The following SMYD4 variants were observed in gnomAD, a reference collection of about 807,000 sequenced individuals.
SMYD4 encodes SET and MYND domain containing 4.
In SMYD4, 68 loss-of-function variants were observed where a neutral mutation model predicts 72.8. That is an observed-to-expected ratio of 0.93 (90% CI 0.77 to 1.14). The LOEUF is 1.14. Ranked by LOEUF, SMYD4 falls within the 50% of genes most tolerant of loss-of-function variation. The pLI is 0.00. For missense variants in SMYD4, 984 were observed against 1,003.7 expected, an observed-to-expected ratio of 0.98 and a Z score of 0.27; for synonymous variants, 407 against 388.6, an observed-to-expected ratio of 1.05 and a Z score of -0.56.
chr17:1,795,353 T>A (rs1413288282), intron 5 of SMYD4, among the ~76,000 whole-genome samples: 1 of 140,848 alleles, frequency 7.1e-6, no homozygotes, highest in African/African-American at 2.5e-5. Context: ...TATCTATCTA[T>A]CTAAGAGACT....
intron 7 of SMYD4, among the ~76,000 whole-genome samples, chr17:1,785,770 AAAAAAG>A (rs1302227246): frequency 8.1e-4 from 11 of 13,500 alleles, no homozygotes; most frequent in African/African-American, 2.7e-3. Context: ...TCTCAAAAAA[AAAAAAG>A]AAAAAAAAAA....
chr17:1,792,365 C>T (rs997165298), intron 5 of SMYD4, among the ~76,000 whole-genome samples: 1 of 151,406 alleles, frequency 6.6e-6, no homozygotes, highest in African/African-American at 2.4e-5. Context: ...ATTAAAAATA[C>T]AGGTCGGGCA....
chr17:1,807,501 T>C (rs1910103712), intron 3 of SMYD4, among the ~76,000 whole-genome samples: 1 of 151,572 alleles, frequency 6.6e-6, no homozygotes. Context: ...GCTGGGAGTA[T>C]AGGCGCAGGC....
At chr17:1,827,084 T>C (rs996624974) in intron 2 of SMYD4, among the ~76,000 whole-genome samples, 2 of 151,776 alleles carry the variant, frequency 1.3e-5, no homozygotes, top group Middle Eastern at 3.2e-3. Flanking sequence ...ACCCAGGAGG[T>C]GGAGATTGCA....
At chr17:1,819,257 C>T (rs1022707262) in intron 2 of SMYD4, among the ~76,000 whole-genome samples, 5 of 151,870 alleles carry the variant, frequency 3.3e-5, no homozygotes, top group Admixed American at 2.6e-4. Flanking sequence ...CCCAGGAGGC[C>T]GAGGCAGGAG....
chr17:1,812,042 A>G lies in SMYD4; in HGVS notation c.208T>C (p.Phe70Leu). 1 of 1,614,166 alleles carries G rather than the reference A, an allele frequency of 6.2e-7. No individual in the cohort carries two copies. Among genetic ancestry groups the G allele is most frequent in the Non-Finnish European group, 8.5e-7 (1 of 1,180,018 alleles). ...TTTTTGTTTCCTTCTTCTCTGTAGA[A>G]AAGAGGAGCGTCCGAGTCCTTTCCC... ...LVGKDSDAPL[F>L]YREEGNKKFQ... The change falls in exon 3 of 11, where the codon TTC (phenylalanine) becomes CTC (leucine). Residue 70 changes from phenylalanine (F) to leucine (L), a missense_variant. Coordinates refer to ENST00000305513, the MANE Select transcript of SMYD4 (RefSeq NM_052928.3).
In SMYD4 at chr17:1,808,838, G is replaced by C. The variant is rs371363339; in HGVS notation, c.279+3133C>G. Among the ~76,000 whole-genome samples, 15 of 152,220 alleles carry C rather than the reference G, an allele frequency of 9.9e-5. No individual in the cohort carries two copies. In the East Asian group the frequency reaches 2.3e-3, roughly 23 times the overall value. ...TATCACTGGATCATTACACCTAATG[G>C]ACTTTAATCCCTCAGCAACCACTAA... On this transcript the variant is annotated intron_variant, in intron 3 of 10. Transcript: ENST00000305513.
At chr17:1,786,414 T>C (rs1356387577) in intron 7 of SMYD4, among the ~76,000 whole-genome samples, 2 of 152,150 alleles carry the variant, frequency 1.3e-5, no homozygotes, top group Non-Finnish European at 2.9e-5. Context: ...GGTCTTGCTA[T>C]GTTGCCCAGG....
chr17:1,810,354 T>G (rs1379850309), intron 3 of SMYD4, among the ~76,000 whole-genome samples: 1 of 151,952 alleles, frequency 6.6e-6, no homozygotes, highest in African/African-American at 2.4e-5. Flanking sequence ...CTGGCCAACA[T>G]GGCGAAAACC....
intron 2 of SMYD4, among the ~76,000 whole-genome samples, chr17:1,826,428 G>C (rs555481583): frequency 6.5e-4 from 96 of 148,212 alleles, no homozygotes; most frequent in Non-Finnish European, 1.6e-4. Flanking sequence ...GGAGGCGGAG[G>C]TTGCAGTGAG....
At chr17:1,803,036 C>CG (rs1302031506) in intron 4 of SMYD4, among the ~76,000 whole-genome samples, 1 of 152,142 alleles carries the variant, frequency 6.6e-6, no homozygotes, top group Non-Finnish European at 1.5e-5. Flanking sequence ...CCCAGCTACT[C>CG]AGAGGCTGAG....
chr17:1,793,799 G>C (rs550822431), intron 5 of SMYD4, among the ~76,000 whole-genome samples: 1 of 151,236 alleles, frequency 6.6e-6, no homozygotes, highest in South Asian at 2.1e-4. Context: ...AGAGGTTCAG[G>C]AGATTAGGTC....
chr17:1,807,295 G>C (rs1205869191), intron 3 of SMYD4, among the ~76,000 whole-genome samples: 3 of 150,738 alleles, frequency 2.0e-5, no homozygotes, highest in African/African-American at 4.9e-5. Flanking sequence ...CCATTTAATG[G>C]AACGCCATGT....
intron 2 of SMYD4, among the ~76,000 whole-genome samples, chr17:1,817,523 C>CG (rs149118464): frequency 0.34 from 51,505 of 151,238 alleles, 11,218 homozygotes; most frequent in Non-Finnish European, 0.5. Context: ...TTTGTAGAGA[C>CG]GGGGTCTCAC....
rs1555574418 is a variant in SMYD4 at position 1,786,956 on chromosome 17, T to C, written c.1738A>G (p.Met580Val). Residue 580 changes from methionine to valine, a missense_variant, in exon 7 of 11, where the codon ATG becomes GTG. Coordinates refer to ENST00000305513, the MANE Select transcript of SMYD4 (RefSeq NM_052928.3). The part of the protein sequence containing the change: ...LHCYGPHKSR[M>V]GVAERQQKLR... ...TTCTGCTGCCTTTCGGCAACCCCCA[T>C]CCGGCTCTTGTGAGGCCCTGGAGGG... The C allele has an allele frequency of 2.5e-6, 4 of 1,613,852 alleles. No individual in the cohort carries two copies. Among genetic ancestry groups the C allele is most frequent in the Middle Eastern group, 1.7e-4 (1 of 5,838 alleles).
At chr17:1,814,754 T>C (rs11649704) in intron 2 of SMYD4, 106,778 of 152,012 alleles carry the variant, frequency 0.7, 38,495 homozygotes, top group Non-Finnish European at 0.8. Context: ...GCCTGGGAGG[T>C]GAAGGTTGCA....
intron 3 of SMYD4, among the ~76,000 whole-genome samples, chr17:1,808,237 T>C (rs985396632): frequency 6.6e-6 from 1 of 152,162 alleles, no homozygotes; most frequent in Non-Finnish European, 1.5e-5. Context: ...CATTAGGAGA[T>C]GTGAAATCAA....
rs982668034 is a variant in SMYD4, at chr17:1,800,102, T to A, written c.1292A>T (p.His431Leu). Residue 431 changes from histidine to leucine, a missense_variant, in exon 5 of 11, where the codon CAC (histidine) becomes CTC (leucine). By Grantham distance (99) the His-to-Leu change is moderately conservative. Coordinates refer to ENST00000305513, the MANE Select transcript of SMYD4 (RefSeq NM_052928.3). ...GTGCTCTGGGCTATGGTTTTCAGTGTGGGGCAAAAGGTTGAAGACAGCATT... is the reference window on the plus strand; with the variant it reads ...GTGCTCTGGGCTATGGTTTTCAGTGAGGGGCAAAAGGTTGAAGACAGCATT... ...NYNAVFNLLP[H>L]TENHSPEHKF... The A allele has an allele frequency of 1.2e-6, 2 of 1,611,292 alleles. No individual in the cohort carries two copies. Among genetic ancestry groups the A allele is most frequent in the East Asian group, 4.5e-5 (2 of 44,818 alleles).
chr17:1,823,845 G>A (rs1219006015), intron 2 of SMYD4, among the ~76,000 whole-genome samples: 1 of 152,170 alleles, frequency 6.6e-6, no homozygotes, highest in African/African-American at 2.4e-5. Flanking sequence ...GCCCAGGGCT[G>A]TGAATGGTTA....
Sources: gnomAD v4.1 joint callset for allele counts (sites outside exome capture counted in the v4.1 genomes callset) on GRCh38, gnomAD v4.1.1 for gene constraint, MANE v1.5 for transcripts, NCBI Gene and HGNC (gene_info 2026-07-23, HGNC 2026-07-21) for gene names.